Variants in TOM1L2 observed in about 807,000 individuals in gnomAD.
The protein encoded by TOM1L2 is TOM1-like protein 2.
A neutral mutation model predicts 67.9 loss-of-function variants in TOM1L2; 31 were observed. The ratio of observed to expected loss-of-function variants is 0.46; its 90% CI spans 0.34 to 0.62. The LOEUF (loss-of-function observed/expected upper bound fraction) is 0.62, where lower values mean the gene tolerates loss of function less well. Ranked by LOEUF, TOM1L2 falls within the 20% of genes least tolerant of loss-of-function variation. The pLI, the probability that TOM1L2 is intolerant of heterozygous loss-of-function variation, is 0.01. For synonymous variants in TOM1L2, 256 were observed against 254.0 expected (o/e 1.01, Z -0.07); for missense variants, 606 against 663.5 (o/e 0.91, Z 0.95).
intron 1 of TOM1L2, among the ~76,000 whole-genome samples, chr17:17,953,373 GCAT>G: frequency 6.6e-6 from 1 of 152,328 alleles, no homozygotes; most frequent in South Asian, 2.1e-4. Context: ...TGGTCCTTGA[GCAT>G]GAATTAATCA....
chr17:17,913,835 G>T (rs1322774571), intron 1 of TOM1L2, among the ~76,000 whole-genome samples: 1 of 152,170 alleles, frequency 6.6e-6, no homozygotes, highest in Non-Finnish European at 1.5e-5. Flanking sequence ...TTGGAAACGA[G>T]GTTTCATTGA....
In TOM1L2 at chr17:17,887,774, G is replaced by A. The variant is rs1020702936; in HGVS notation, c.367-3006C>T. ...TACAGACATGAGCCAACTGCGCCCA[G>A]CCCAGACACCTTTTGAAGGCAGACA... On this transcript the variant is annotated intron_variant, in intron 4 of 14. Coordinates refer to ENST00000379504, the MANE Select transcript of TOM1L2 (RefSeq NM_001082968.2). Among the ~76,000 whole-genome samples the A allele has an allele frequency of 3.3e-5, 5 of 152,186 alleles. No homozygotes were observed. In the East Asian group the frequency reaches 7.7e-4, roughly 23 times the overall value.
Position 17,869,426 on chromosome 17 carries a change from G to T in TOM1L2, c.825C>A (p.Leu275=). Residue 275 remains leucine (L), a synonymous_variant, in exon 8 of 15, where the codon CTC becomes CTA. Coordinates refer to ENST00000379504, the MANE Select transcript of TOM1L2 (RefSeq NM_001082968.2). The stretch of plus-strand genomic sequence containing the variant: ...CCTCCTCATTGGACACGCGGGAGAT[G>T]AGCTCCACGATGCGCTGCTGCATGG... ...CRAMQQRIVE[L]ISRVSNEEVT... 6.2e-7 allele frequency: 1 copy of T among 1,613,436 alleles called. No homozygotes were observed.
At chr17:17,873,374 CCCT>C (rs1186645752) in intron 7 of TOM1L2, among the ~76,000 whole-genome samples, 1 of 152,060 alleles carries the variant, frequency 6.6e-6, no homozygotes, top group African/African-American at 2.4e-5. Context: ...CACCACCCCA[CCCT>C]CCTCAAGACT....
intron 6 of TOM1L2, 52 bp from the exon 7 acceptor site, chr17:17,879,795 C>T (rs770145206): frequency 2.2e-6 from 3 of 1,394,070 alleles, no homozygotes; most frequent in East Asian, 2.3e-5. Context: ...AGTCAGCCTG[C>T]ACTTGCAATA....
rs148632373 is a variant in TOM1L2, at chr17:17,933,594, C to T, written c.53-26063G>A. On this transcript the variant is annotated intron_variant, in intron 1 of 14. Coordinates refer to ENST00000379504, the MANE Select transcript of TOM1L2 (RefSeq NM_001082968.2). ...GCTCCCCAGGAGGTTCTGATGCCCC[C>T]TAAGCATCATTTTGAGGGCCACCAC... Among the ~76,000 whole-genome samples, 380 of 152,310 alleles carry T rather than the reference C, an allele frequency of 2.5e-3. 4 individuals carry two copies. Among genetic ancestry groups the T allele is most frequent in the African/African-American group, 8.7e-3 (362 of 41,554 alleles).
intron 1 of TOM1L2, among the ~76,000 whole-genome samples, chr17:17,923,520 CA>C (rs1051134824): frequency 2.7e-5 from 4 of 150,642 alleles, no homozygotes; most frequent in East Asian, 2.0e-4. Context: ...CCTGTCTCTA[CA>C]AAAAAAAATT....
chr17:17,892,447 T>C (rs1014802943), intron 4 of TOM1L2, among the ~76,000 whole-genome samples: 2 of 152,174 alleles, frequency 1.3e-5, no homozygotes, highest in Admixed American at 1.3e-4. Flanking sequence ...TGTTGACTTA[T>C]GTGCCTTCTG....
At chr17:17,855,214 G>C (rs973505652) in intron 12 of TOM1L2, among the ~76,000 whole-genome samples, 3 of 152,204 alleles carry the variant, frequency 2.0e-5, no homozygotes, top group Non-Finnish European at 4.4e-5. Context: ...GGATCAGGAG[G>C]GAGGGTTGCC....
At chr17:17,874,870 T>C (rs2037340707) in intron 7 of TOM1L2, among the ~76,000 whole-genome samples, 1 of 152,218 alleles carries the variant, frequency 6.6e-6, no homozygotes, top group Non-Finnish European at 1.5e-5. Context: ...CCAGAGACTA[T>C]GACCTGGGGC....
chr17:17,926,866 G>A (rs867164691), intron 1 of TOM1L2, among the ~76,000 whole-genome samples: 12 of 151,714 alleles, frequency 7.9e-5, no homozygotes, highest in African/African-American at 2.9e-4. Flanking sequence ...TCAAAAAAAA[G>A]GAAGAAAGAA....
intron 6 of TOM1L2, among the ~76,000 whole-genome samples, chr17:17,881,453 C>A (rs1383591032): frequency 2.0e-5 from 3 of 152,238 alleles, no homozygotes; most frequent in Non-Finnish European, 4.4e-5. Flanking sequence ...CCAAGCACCT[C>A]CCACACTTTG....
chr17:17,888,557 T>C (rs1424647590), intron 4 of TOM1L2, among the ~76,000 whole-genome samples: 4 of 152,220 alleles, frequency 2.6e-5, no homozygotes, highest in African/African-American at 4.8e-5. Context: ...AGGGAGCTGC[T>C]GTCCACACAG....
At chr17:17,947,834 T>C (rs761736347) in intron 1 of TOM1L2, among the ~76,000 whole-genome samples, 1 of 152,234 alleles carries the variant, frequency 6.6e-6, no homozygotes, top group Non-Finnish European at 1.5e-5. Flanking sequence ...ACAAGTTGTA[T>C]TCATTTTTAA....
chr17:17,864,555 A>T lies in TOM1L2; in HGVS notation c.1085-1707T>A, dbSNP rs536669695. ...GAGATGGCATCTTGCTCTGTTGCTC[A>T]GGCTGCAGTGCAGTGGCACAATCTC... On this transcript the variant is annotated intron_variant, in intron 10 of 14. Coordinates refer to ENST00000379504, the MANE Select transcript of TOM1L2 (RefSeq NM_001082968.2). Among the ~76,000 whole-genome samples the T allele has an allele frequency of 3.4e-5, 5 of 147,870 alleles. No individual in the cohort carries two copies. In the East Asian group the frequency reaches 7.9e-4, roughly 23 times the overall value.
intron 2 of TOM1L2, among the ~76,000 whole-genome samples, chr17:17,898,926 A>C (rs973371096): frequency 6.6e-6 from 1 of 152,258 alleles, no homozygotes; most frequent in Non-Finnish European, 1.5e-5. Context: ...AAACTCAAAG[A>C]CATGTGCATA....
intron 2 of TOM1L2, among the ~76,000 whole-genome samples, chr17:17,906,291 G>A (rs1305516838): frequency 6.6e-6 from 1 of 151,806 alleles, no homozygotes; most frequent in African/African-American, 2.4e-5. Flanking sequence ...ACCACGCCTG[G>A]CTAACTTTTG....
chr17:17,933,991 T>G (rs1644278220), intron 1 of TOM1L2, among the ~76,000 whole-genome samples: 1 of 152,160 alleles, frequency 6.6e-6, no homozygotes, highest in Non-Finnish European at 1.5e-5. Context: ...TGGAAAGGCT[T>G]GCCCCTAATC....
At chr17:17,875,229 C>T (rs1295251161) in intron 7 of TOM1L2, among the ~76,000 whole-genome samples, 5 of 150,574 alleles carry the variant, frequency 3.3e-5, no homozygotes, top group Admixed American at 2.0e-4. Flanking sequence ...GCACTCCAGC[C>T]TGGGTGACAA....
Sources: allele counts gnomAD v4.1 joint callset (sites outside exome capture counted in the v4.1 genomes callset), GRCh38; gene constraint gnomAD v4.1.1; transcripts MANE v1.5; gene names NCBI Gene and HGNC (gene_info 2026-07-23, HGNC 2026-07-21).